CPE: variants seen among roughly 807,000 people sequenced by gnomAD.
CPE encodes the protein carboxypeptidase E, also known as carbocypeptidase E.
In CPE, 17 loss-of-function variants were observed where a neutral mutation model predicts 53.5. The observed-to-expected ratio is 0.32, with a 90% CI of 0.22 to 0.48. CPE has a LOEUF of 0.48. CPE is among the 20% of genes least tolerant of loss of function. CPE has a pLI of 0.99. For synonymous variants in CPE, 226 were observed against 228.8 expected (o/e 0.99, Z 0.11); for missense variants, 524 against 614.7 (o/e 0.85, Z 1.56).
chr4:165,492,567 T>G (rs768760383), intron 6 of CPE, among the ~76,000 whole-genome samples: 10 of 152,080 alleles, frequency 6.6e-5, no homozygotes, highest in Non-Finnish European at 1.5e-4. Flanking sequence ...AGTGAGCAAT[T>G]CCTGTCCTTC....
chr4:165,493,046 T>C, intron 6 of CPE, 125 bp from the exon 7 acceptor site: 1 of 591,672 alleles, frequency 1.7e-6, no homozygotes, highest in Non-Finnish European at 3.0e-6. Context: ...GTCTTGATTC[T>C]TAAACAATGG....
intron 7 of CPE, among the ~76,000 whole-genome samples, chr4:165,493,515 G>T (rs965362819): frequency 7.2e-5 from 11 of 152,258 alleles, no homozygotes; most frequent in African/African-American, 2.4e-4. Context: ...CAGCTATCTC[G>T]CCCCAGAGCT....
chr4:165,416,048 T>C (rs1230277314), intron 1 of CPE, among the ~76,000 whole-genome samples: 1 of 152,128 alleles, frequency 6.6e-6, no homozygotes, highest in Non-Finnish European at 1.5e-5. Flanking sequence ...TCTTAAAACT[T>C]AAGGCCCAGA....
chr4:165,472,619 T>A (rs1325121487), intron 3 of CPE, among the ~76,000 whole-genome samples: 1 of 152,204 alleles, frequency 6.6e-6, no homozygotes, highest in Non-Finnish European at 1.5e-5. Context: ...AACTGAACAA[T>A]AGTTCTTTAA....
intron 1 of CPE, chr4:165,404,330 C>A (rs763873043): frequency 1.3e-6 from 1 of 771,694 alleles, no homozygotes; most frequent in Non-Finnish European, 2.4e-6. Flanking sequence ...TGTCAGCAGG[C>A]GGAACTGGAT....
chr4:165,406,122 C>G (rs546893120), intron 1 of CPE: 38 of 754,288 alleles, frequency 5.0e-5, no homozygotes, highest in South Asian at 4.7e-4. Context: ...TCATTCATAA[C>G]TTCCGTGAAC....
intron 1 of CPE, among the ~76,000 whole-genome samples, chr4:165,415,894 G>A (rs188461840): frequency 4.6e-5 from 7 of 151,724 alleles, no homozygotes; most frequent in African/African-American, 1.7e-4. Flanking sequence ...TTTTGTTTTC[G>A]GTCCAAGAAT....
chr4:165,408,702 G>A (rs1268482500), intron 1 of CPE, among the ~76,000 whole-genome samples: 4 of 152,170 alleles, frequency 2.6e-5, no homozygotes, highest in Non-Finnish European at 1.5e-5. Context: ...CTGAGGTAGG[G>A]CCTGAAATTT....
At chr4:165,474,143 C>G (rs1375335875) in intron 3 of CPE, among the ~76,000 whole-genome samples, 1 of 152,206 alleles carries the variant, frequency 6.6e-6, no homozygotes, top group Non-Finnish European at 1.5e-5. Context: ...ATAAAGCAGC[C>G]AATAATTGAG....
At chr4:165,440,660 A>G (rs1005424787) in intron 1 of CPE, among the ~76,000 whole-genome samples, 4 of 152,154 alleles carry the variant, frequency 2.6e-5, no homozygotes, top group African/African-American at 4.8e-5. Context: ...GTAGCCCTAT[A>G]TAAACATTAG....
In CPE at chr4:165,487,279, A is replaced by G. The variant is rs538077929; in HGVS notation, c.974-159A>G. Among the ~76,000 whole-genome samples the G allele has an allele frequency of 3.1e-3, 470 of 152,270 alleles. 3 individuals carry two copies. Among genetic ancestry groups the G allele is most frequent in the African/African-American group, 0.011 (445 of 41,558 alleles). On this transcript the variant is annotated intron_variant, in intron 5 of 8. Transcript: ENST00000402744. ...TAACAACCCCCGACCTATGTTGTTC[A>G]ATCCCTTACAGCAGATGATTTCCCT...
chr4:165,392,658 C>A lies in CPE; in HGVS notation c.307+13130C>A, dbSNP rs1029078167. On this transcript the variant is annotated intron_variant, in intron 1 of 8. Coordinates refer to ENST00000402744, the MANE Select transcript of CPE (RefSeq NM_001873.4). Reference sequence around the variant, plus strand: ...ATTATAAATATAATGAAATGTTATACATATTTTATTATATTTATATATCAT... The same window carrying A: ...ATTATAAATATAATGAAATGTTATAAATATTTTATTATATTTATATATCAT... 9.6e-5 allele frequency among the ~76,000 whole-genome samples: 14 copies of A among 146,048 alleles called. No homozygotes were observed. The East Asian group carries it at 1.6e-3, about 16-fold the overall frequency.
chr4:165,496,353 C>A (rs1025796628), intron 8 of CPE, among the ~76,000 whole-genome samples: 1 of 152,124 alleles, frequency 6.6e-6, no homozygotes, highest in African/African-American at 2.4e-5. Flanking sequence ...AACAAAATAT[C>A]TTGAGTTTTT....
intron 1 of CPE, among the ~76,000 whole-genome samples, chr4:165,414,743 A>G (rs550517097): frequency 1.3e-5 from 2 of 152,240 alleles, no homozygotes; most frequent in Admixed American, 1.3e-4. Flanking sequence ...ATATATACAC[A>G]TATGTACTTA....
intron 3 of CPE, among the ~76,000 whole-genome samples, chr4:165,477,879 C>T (rs1228368044): frequency 6.6e-6 from 1 of 152,166 alleles, no homozygotes; most frequent in Non-Finnish European, 1.5e-5. Flanking sequence ...GCTCGAGATC[C>T]ATGCTCTCCT....
At chr4:165,421,952 A>G (rs922307801) in intron 1 of CPE, among the ~76,000 whole-genome samples, 5 of 152,200 alleles carry the variant, frequency 3.3e-5, no homozygotes, top group Admixed American at 6.5e-5. Context: ...AGCATTCTGC[A>G]AGCTGTTCTC....
At chr4:165,457,396 T>G (rs1218314064) in intron 1 of CPE, among the ~76,000 whole-genome samples, 2 of 152,224 alleles carry the variant, frequency 1.3e-5, no homozygotes, top group Admixed American at 1.3e-4. Flanking sequence ...TGTGAAGGCA[T>G]CAAATACTTT....
chr4:165,490,412 T>C (rs938576455), intron 6 of CPE, among the ~76,000 whole-genome samples: 1 of 151,906 alleles, frequency 6.6e-6, no homozygotes, highest in African/African-American at 2.4e-5. Flanking sequence ...GGCAGGCAGA[T>C]CATGAGGTCA....
chr4:165,404,344 T>C, intron 1 of CPE: 1 of 771,708 alleles, frequency 1.3e-6, no homozygotes, highest in Non-Finnish European at 2.4e-6. Flanking sequence ...ACTGGATGTC[T>C]TCATCTGAGG....
Sources: gnomAD v4.1 joint callset for allele counts (sites outside exome capture counted in the v4.1 genomes callset) on GRCh38, gnomAD v4.1.1 for gene constraint, MANE v1.5 for transcripts, NCBI Gene and HGNC (gene_info 2026-07-23, HGNC 2026-07-21) for gene names.